Variants in GRID2 observed in about 807,000 individuals in gnomAD.
GRID2 encodes the protein glutamate receptor ionotropic, delta-2.
A neutral mutation model predicts 114.8 loss-of-function variants in GRID2; 33 were observed. The observed-to-expected ratio is 0.29, with a 90% CI of 0.22 to 0.38. The LOEUF is 0.38. Among genes scored for constraint, GRID2 ranks in the 10% least tolerant of loss-of-function variants. The pLI is 1.00. For missense variants in GRID2, 1,184 were observed against 1,257.7 expected (o/e 0.94, Z 0.89); for synonymous variants, 505 against 449.9 (o/e 1.12, Z -1.55).
At position 92,927,257 on chromosome 4, in the gene GRID2, T is replaced by C. The variant is rs189397004; in HGVS notation, c.245-157738T>C. The stretch of plus-strand genomic sequence containing the variant: ...AATCCAAAGAGTAATACCCCTATCT[T>C]AGTTGTTGAGGGATCCTGTAAAGAA... On this transcript the variant is annotated intron_variant, in intron 2 of 15. Transcript: ENST00000282020. 2.2e-3 allele frequency among the ~76,000 whole-genome samples: 335 copies of C among 151,964 alleles called. 1 individual carries two copies. Among genetic ancestry groups the C allele is most frequent in the Non-Finnish European group, 3.6e-3 (244 of 67,862 alleles).
At chr4:92,490,317 AATTATAGGT>A (rs1291491356) in intron 1 of GRID2, among the ~76,000 whole-genome samples, 1 of 152,144 alleles carries the variant, frequency 6.6e-6, no homozygotes, top group African/African-American at 2.4e-5. Flanking sequence ...TAGAAGAAAA[AATTATAGGT>A]ATCTTTATTG....
chr4:93,334,482 T>C (rs1758824916), intron 8 of GRID2, among the ~76,000 whole-genome samples: 1 of 152,222 alleles, frequency 6.6e-6, no homozygotes, highest in Non-Finnish European at 1.5e-5. Context: ...CCATAAAATA[T>C]TATGAAATTA....
intron 8 of GRID2, among the ~76,000 whole-genome samples, chr4:93,360,523 AT>A (rs1761792417): frequency 6.6e-6 from 1 of 151,962 alleles, no homozygotes; most frequent in Admixed American, 6.6e-5. Flanking sequence ...TATGGTGAAA[AT>A]CCTTATTTAA....
intron 11 of GRID2, among the ~76,000 whole-genome samples, chr4:93,465,531 A>G (rs1201556436): frequency 6.6e-6 from 1 of 152,180 alleles, no homozygotes; most frequent in Non-Finnish European, 1.5e-5. Context: ...CCAGATAATA[A>G]TTACTGACTT....
chr4:92,686,585 C>G lies in GRID2; in HGVS notation c.244+96299C>G, dbSNP rs182269365. On this transcript the variant is annotated intron_variant, in intron 2 of 15. Transcript: ENST00000282020. ...CTGGATTCAAATCAGTGACCTTTCTCAGAGCTGTAAAAACAACTGATCATT... is the reference window on the plus strand; with the variant it reads ...CTGGATTCAAATCAGTGACCTTTCTGAGAGCTGTAAAAACAACTGATCATT... 1.3e-3 allele frequency among the ~76,000 whole-genome samples: 195 copies of G among 152,124 alleles called. 3 individuals are homozygous for G. The highest frequency in any genetic ancestry group is 0.012 in the Admixed American group (178 of 15,284).
At chr4:93,191,672 G>T (rs879492078) in intron 4 of GRID2, among the ~76,000 whole-genome samples, 46 of 151,048 alleles carry the variant, frequency 3.0e-4, no homozygotes, top group Non-Finnish European at 6.2e-4. Context: ...TTTTCTTTTT[G>T]TCACATCAAG....
At chr4:92,426,654 AG>A (rs1732171667) in intron 1 of GRID2, among the ~76,000 whole-genome samples, 1 of 152,166 alleles carries the variant, frequency 6.6e-6, no homozygotes, top group South Asian at 2.1e-4. Context: ...ACAATCACAA[AG>A]AACAAGAGCA....
intron 14 of GRID2, among the ~76,000 whole-genome samples, chr4:93,716,872 G>A (rs191285447): frequency 1.3e-5 from 2 of 151,860 alleles, no homozygotes; most frequent in African/African-American, 4.8e-5. Flanking sequence ...TCAAAGAAAG[G>A]GTCTCTAGAT....
chr4:93,601,775 T>A lies in GRID2; in HGVS notation c.2194-24494T>A, dbSNP rs370543945. 8.5e-5 allele frequency among the ~76,000 whole-genome samples: 13 copies of A among 152,224 alleles called. No homozygotes were observed. In the South Asian group the frequency reaches 1.0e-3, roughly 12 times the overall value. The stretch of plus-strand genomic sequence containing the variant: ...CCACTTTATAGAATTTTTTCCACAT[T>A]GATGAGAAAAAATACTGATTCTCTG... On this transcript the variant is annotated intron_variant, in intron 13 of 15. Coordinates refer to ENST00000282020, the MANE Select transcript of GRID2 (RefSeq NM_001510.4).
chr4:93,524,001 T>C (rs1730592088), intron 13 of GRID2, among the ~76,000 whole-genome samples: 1 of 152,072 alleles, frequency 6.6e-6, no homozygotes, highest in Non-Finnish European at 1.5e-5. Flanking sequence ...GCATCATTTG[T>C]CATTGAGTAA....
In GRID2 at chr4:93,323,998, G is replaced by A. The variant is rs1319110259; in HGVS notation, c.1246-71609G>A. 2.0e-5 allele frequency among the ~76,000 whole-genome samples: 3 copies of A among 152,102 alleles called. No homozygotes were observed. In the East Asian group the frequency reaches 5.8e-4, roughly 29 times the overall value. The stretch of plus-strand genomic sequence containing the variant: ...TACAATCATGTCATCTGCAAACAGG[G>A]ACAATTTGACTTCCTCTTTTCCTGA... On this transcript the variant is annotated intron_variant, in intron 8 of 15. Coordinates refer to ENST00000282020, the MANE Select transcript of GRID2 (RefSeq NM_001510.4).
intron 8 of GRID2, among the ~76,000 whole-genome samples, chr4:93,364,887 A>G (rs1157648631): frequency 6.6e-6 from 1 of 152,156 alleles, no homozygotes; most frequent in Non-Finnish European, 1.5e-5. Context: ...GAGTTTTAAA[A>G]GTTCACTTAT....
intron 7 of GRID2, among the ~76,000 whole-genome samples, chr4:93,233,705 A>G (rs888914321): frequency 6.6e-6 from 1 of 152,102 alleles, no homozygotes; most frequent in African/African-American, 2.4e-5. Flanking sequence ...TGCCAAGTAG[A>G]GAATTCTGCA....
At chr4:93,107,173 C>T (rs980421130) in intron 3 of GRID2, among the ~76,000 whole-genome samples, 4 of 152,062 alleles carry the variant, frequency 2.6e-5, no homozygotes, top group African/African-American at 9.7e-5. Flanking sequence ...GAGGTGTGCA[C>T]CTGCAGTCTC....
At chr4:93,797,864 G>A (rs542486917) in intron 1 of GRID2, among the ~76,000 whole-genome samples, 14 of 145,360 alleles carry the variant, frequency 9.6e-5, no homozygotes, top group Non-Finnish European at 2.0e-4. Flanking sequence ...AAAAAAAAGA[G>A]GAGCAAGGCC....
intron 13 of GRID2, among the ~76,000 whole-genome samples, chr4:93,561,244 T>C (rs1734896672): frequency 6.6e-6 from 1 of 152,112 alleles, no homozygotes; most frequent in Non-Finnish European, 1.5e-5. Context: ...AAGTTTGAAA[T>C]TTTCCTCAAT....
At chr4:93,108,021 C>A (rs1732414182) in intron 3 of GRID2, among the ~76,000 whole-genome samples, 1 of 152,164 alleles carries the variant, frequency 6.6e-6, no homozygotes, top group Non-Finnish European at 1.5e-5. Context: ...AGGCTGCAAC[C>A]ACAGTGGTCT....
Position 92,524,278 on chromosome 4 carries a change from G to C in GRID2, c.89-65853G>C, listed in dbSNP as rs28478019. Among the ~76,000 whole-genome samples the C allele has an allele frequency of 8.0e-3, 1,210 of 151,964 alleles. 13 individuals carry two copies. Among genetic ancestry groups the C allele is most frequent in the African/African-American group, 0.027 (1,107 of 41,436 alleles). The stretch of plus-strand genomic sequence containing the variant: ...TGCTACTGCAAAATTTAACATAAAT[G>C]TAATGACTTTAACAAACACTGCTTT... On this transcript the variant is annotated intron_variant, in intron 1 of 15. Coordinates refer to ENST00000282020, the MANE Select transcript of GRID2 (RefSeq NM_001510.4).
At chr4:93,752,930 T>G (rs1185760927) in intron 14 of GRID2, among the ~76,000 whole-genome samples, 5 of 152,180 alleles carry the variant, frequency 3.3e-5, no homozygotes, top group Admixed American at 3.3e-4. Context: ...TTTGGAGTCT[T>G]TGGAACCGTT....
Sources: allele counts gnomAD v4.1 joint callset (sites outside exome capture counted in the v4.1 genomes callset), GRCh38; gene constraint gnomAD v4.1.1; transcripts MANE v1.5; gene names NCBI Gene and HGNC (gene_info 2026-07-23, HGNC 2026-07-21).